SYT9: variants seen among roughly 807,000 people sequenced by gnomAD.
SYT9 encodes synaptotagmin-9.
Under a neutral mutation model 48.4 loss-of-function variants are expected in SYT9, and 22 were observed. That is an observed-to-expected ratio of 0.45 (90% CI 0.32 to 0.65). SYT9 has a LOEUF of 0.65. Ranked by LOEUF, SYT9 falls within the 30% of genes least tolerant of loss-of-function variation. The pLI, the probability that SYT9 is intolerant of heterozygous loss-of-function variation, is 0.03. For synonymous variants in SYT9, 265 were observed against 245.0 expected, an observed-to-expected ratio of 1.08 and a Z score of -0.76; for missense variants, 577 against 622.0, an observed-to-expected ratio of 0.93 and a Z score of 0.77.
intron 3 of SYT9, among the ~76,000 whole-genome samples, chr11:7,394,736 G>A (rs1395295046): frequency 6.6e-6 from 1 of 152,004 alleles, no homozygotes; most frequent in Non-Finnish European, 1.5e-5. Context: ...GGATTAGTTT[G>A]TTCTTGTTTT....
At chr11:7,320,839 A>G (rs1373847382) in intron 3 of SYT9, among the ~76,000 whole-genome samples, 5 of 152,186 alleles carry the variant, frequency 3.3e-5, no homozygotes, top group African/African-American at 9.7e-5. Context: ...TAATAGTACA[A>G]TACATCTTTG....
intron 1 of SYT9, among the ~76,000 whole-genome samples, chr11:7,280,019 G>A (rs1289453664): frequency 6.6e-6 from 1 of 152,222 alleles, no homozygotes; most frequent in Non-Finnish European, 1.5e-5. Context: ...ACAATTCCTT[G>A]AGAAACTCAG....
chr11:7,403,232 C>T (rs1564891259), intron 3 of SYT9, among the ~76,000 whole-genome samples: 1 of 151,958 alleles, frequency 6.6e-6, no homozygotes, highest in African/African-American at 2.4e-5. Context: ...TCTAGTTTTC[C>T]TTTGGATTTC....
intron 6 of SYT9, among the ~76,000 whole-genome samples, chr11:7,424,290 C>G (rs1847412650): frequency 6.6e-6 from 1 of 152,138 alleles, no homozygotes; most frequent in South Asian, 2.1e-4. Flanking sequence ...CCCCATGATG[C>G]CAAAGGTTTG....
At chr11:7,250,451 A>ACCCCCCCCC (rs59724555), upstream of SYT9, among the ~76,000 whole-genome samples, 2 of 91,780 alleles carry the variant, frequency 2.2e-5, no homozygotes, top group African/African-American at 3.8e-5. Context: ...CCCCCCCGCC[A>ACCCCCCCCC]CCCCCCCCCA....
intron 1 of SYT9, among the ~76,000 whole-genome samples, chr11:7,292,623 T>G (rs966656961): frequency 2.0e-5 from 3 of 152,174 alleles, no homozygotes; most frequent in Non-Finnish European, 2.9e-5. Context: ...CTGTCCCCAG[T>G]CCCTACATGT....
chr11:7,337,407 T>C (rs1189233735), intron 3 of SYT9, among the ~76,000 whole-genome samples: 3 of 152,090 alleles, frequency 2.0e-5, no homozygotes, highest in African/African-American at 4.8e-5. Flanking sequence ...CTATGTTGAA[T>C]AGAAGTGGTG....
chr11:7,323,057 T>A (rs942684334), intron 3 of SYT9, among the ~76,000 whole-genome samples: 2 of 152,186 alleles, frequency 1.3e-5, no homozygotes, highest in Non-Finnish European at 1.5e-5. Flanking sequence ...GCATTCCATA[T>A]TATATGGTCT....
At chr11:7,240,247 T>A (rs938887283) in intron 1 of SYT9, among the ~76,000 whole-genome samples, 19 of 152,140 alleles carry the variant, frequency 1.2e-4, no homozygotes, top group African/African-American at 4.3e-4. Flanking sequence ...CTCACCCCAT[T>A]CCATTCCTGG....
Position 7,364,197 on chromosome 11 carries a change from G to A in SYT9, c.1044+50256G>A, listed in dbSNP as rs184106473. ...GCAACATTGAAAGAGGCATAAAGAT[G>A]CAAAAAAGAATCTCCCAACATTGGA... On this transcript the variant is annotated intron_variant, in intron 3 of 6. Transcript: ENST00000318881. 4.6e-5 allele frequency among the ~76,000 whole-genome samples: 7 copies of A among 152,142 alleles called. No individual in the cohort carries two copies. The East Asian group carries it at 9.7e-4, about 21-fold the overall frequency.
intron 3 of SYT9, among the ~76,000 whole-genome samples, chr11:7,379,872 A>T (rs1850528561): frequency 6.6e-6 from 1 of 152,120 alleles, no homozygotes; most frequent in South Asian, 2.1e-4. Flanking sequence ...CACTATGGAG[A>T]GCAGTTTGGA....
At chr11:7,303,431 AC>A (rs34530925) in intron 2 of SYT9, 41 bp downstream of exon 2, 16 of 1,509,840 alleles carry the variant, frequency 1.1e-5, no homozygotes, top group African/African-American at 1.4e-5. Context: ...AGGAAGGACC[AC>A]CCCATTCCCC....
At chr11:7,283,067 T>G (rs558214960) in intron 1 of SYT9, among the ~76,000 whole-genome samples, 13 of 151,366 alleles carry the variant, frequency 8.6e-5, no homozygotes, top group African/African-American at 3.2e-4. Flanking sequence ...AGTTTTAGGT[T>G]TCTGATAATT....
At chr11:7,442,853 C>CA (rs5789518) in intron 6 of SYT9, among the ~76,000 whole-genome samples, 30,939 of 150,672 alleles carry the variant, frequency 0.21, 4,260 homozygotes, top group African/African-American at 0.39. Context: ...TACATCCATT[C>CA]AAAAAAAAAG....
chr11:7,317,736 A>G (rs1448220058), intron 3 of SYT9, among the ~76,000 whole-genome samples: 2 of 152,200 alleles, frequency 1.3e-5, no homozygotes, highest in Non-Finnish European at 2.9e-5. Context: ...TCCCAATAAT[A>G]TGCACTGTAT....
chr11:7,367,925 A>G (rs1045247509), intron 3 of SYT9, among the ~76,000 whole-genome samples: 2 of 152,220 alleles, frequency 1.3e-5, no homozygotes, highest in Non-Finnish European at 2.9e-5. Flanking sequence ...AGAGCCTTGT[A>G]TATGATCTCC....
chr11:7,456,651 T>C (rs968410843), intron 6 of SYT9, among the ~76,000 whole-genome samples: 2 of 152,256 alleles, frequency 1.3e-5, no homozygotes, highest in East Asian at 3.8e-4. Flanking sequence ...TATATGACTC[T>C]TCATTCATTA....
intron 3 of SYT9, among the ~76,000 whole-genome samples, chr11:7,358,156 C>T (rs1037679215): frequency 4.6e-5 from 7 of 152,106 alleles, no homozygotes; most frequent in East Asian, 3.9e-4. Flanking sequence ...TAAAGAACGA[C>T]GAATACTGTT....
chr11:7,300,942 C>G (rs953246965), intron 1 of SYT9, among the ~76,000 whole-genome samples: 1 of 152,180 alleles, frequency 6.6e-6, no homozygotes, highest in Admixed American at 6.5e-5. Context: ...ACCCCACTGA[C>G]TCCACTCCCT....
Sources: gnomAD v4.1 joint callset for allele counts (sites outside exome capture counted in the v4.1 genomes callset) on GRCh38, gnomAD v4.1.1 for gene constraint, MANE v1.5 for transcripts, NCBI Gene and HGNC (gene_info 2026-07-23, HGNC 2026-07-21) for gene names.